SRPK2: variants seen among roughly 807,000 people sequenced by gnomAD.
SRPK2 encodes the protein SRSF protein kinase 2.
In SRPK2, 21 loss-of-function variants were observed where a neutral mutation model predicts 90.8. The ratio of observed to expected loss-of-function variants is 0.23; its 90% CI spans 0.16 to 0.33. The LOEUF is 0.33. Ranked by LOEUF, SRPK2 falls within the 10% of genes least tolerant of loss-of-function variation. The pLI, the probability that SRPK2 is intolerant of heterozygous loss-of-function variation, is 1.00. For synonymous variants in SRPK2, 288 were observed against 311.1 expected (o/e 0.93, Z 0.78); for missense variants, 620 against 869.0 (o/e 0.71, Z 3.60).
intron 2 of SRPK2, among the ~76,000 whole-genome samples, chr7:105,278,708 G>C (rs567135717): frequency 9.8e-4 from 148 of 150,592 alleles, no homozygotes; most frequent in Admixed American, 1.8e-3. Flanking sequence ...AAGAAGAAAG[G>C]AAAGAGGAAA....
At chr7:105,182,336 G>A (rs1792975842) in intron 3 of SRPK2, among the ~76,000 whole-genome samples, 1 of 151,786 alleles carries the variant, frequency 6.6e-6, no homozygotes, top group African/African-American at 2.4e-5. Context: ...AGCAGTTTAA[G>A]GTGAAATAAA....
At chr7:105,237,278 ATTAT>A (rs1800255879) in intron 2 of SRPK2, among the ~76,000 whole-genome samples, 1 of 152,240 alleles carries the variant, frequency 6.6e-6, no homozygotes, top group African/African-American at 2.4e-5. Flanking sequence ...TCTAACCATT[ATTAT>A]TTGTCATAAC....
intron 2 of SRPK2, among the ~76,000 whole-genome samples, chr7:105,227,271 C>G (rs548240869): frequency 2.3e-4 from 35 of 152,106 alleles, no homozygotes; most frequent in African/African-American, 8.0e-4. Context: ...CTGTGAGATC[C>G]TAATGCATCC....
At chr7:105,206,141 GC>G (rs2129611075) in intron 2 of SRPK2, among the ~76,000 whole-genome samples, 1 of 152,128 alleles carries the variant, frequency 6.6e-6, no homozygotes, top group South Asian at 2.1e-4. Context: ...GTAGCACACA[GC>G]CCCCCACCCC....
At chr7:105,143,468 T>A (rs980761631) in intron 9 of SRPK2, 138 bp from the exon 10 acceptor site, 3 of 1,110,202 alleles carry the variant, frequency 2.7e-6, no homozygotes, top group Non-Finnish European at 3.8e-6. Flanking sequence ...CCCAGACAGA[T>A]CCACTTTGTG....
Position 105,203,696 on chromosome 7 carries a change from G to A in SRPK2, c.161C>T (p.Pro54Leu), listed in dbSNP as rs34699980. 2.0e-5 allele frequency: 31 copies of A among 1,589,074 alleles called. No homozygotes were observed. Among genetic ancestry groups the A allele is most frequent in the African/African-American group, 1.1e-4 (8 of 73,568 alleles). ...TCCCAGGATCTCCTCCTCTGGCTCC[G>A]GGGGTGTGGGGTCTGGCAAAGGTGG... is the stretch of plus-strand genomic sequence containing the variant. The part of the protein sequence containing the change: ...PPPPLPDPTP[P>L]EPEEEILGSD... Residue 54 changes from proline to leucine, a missense_variant, in exon 3 of 16, where the codon CCG (proline) becomes CTG (leucine). Pro to Leu is a moderately conservative substitution (Grantham distance 98). Coordinates refer to ENST00000393651, the MANE Select transcript of SRPK2 (RefSeq NM_182692.3).
chr7:105,127,848 T>C (rs1015760467), intron 13 of SRPK2, among the ~76,000 whole-genome samples: 2 of 152,202 alleles, frequency 1.3e-5, no homozygotes, highest in African/African-American at 4.8e-5. Context: ...AAAAAAAGAA[T>C]AAGCTAAATC....
At chr7:105,206,271 T>C in intron 2 of SRPK2, 1 of 279,780 alleles carries the variant, frequency 3.6e-6, no homozygotes, top group Non-Finnish European at 7.1e-6. Context: ...GCATTTTCTA[T>C]ATATGGCTTT....
chr7:105,166,093 GA>G (rs952950464), intron 6 of SRPK2, among the ~76,000 whole-genome samples: 2 of 152,154 alleles, frequency 1.3e-5, no homozygotes, highest in African/African-American at 4.8e-5. Flanking sequence ...AAAAACATGA[GA>G]AACACCTACA....
intron 7 of SRPK2, among the ~76,000 whole-genome samples, chr7:105,157,980 C>T: frequency 6.6e-6 from 1 of 152,124 alleles, no homozygotes; most frequent in East Asian, 1.9e-4. Context: ...GTGGGAGGAT[C>T]ACTAGAGCCC....
chr7:105,273,890 C>T (rs905190394), intron 2 of SRPK2, among the ~76,000 whole-genome samples: 8 of 152,264 alleles, frequency 5.3e-5, no homozygotes, highest in Admixed American at 1.3e-4. Context: ...CTTAAATATA[C>T]ATTTCCAGAT....
At chr7:105,321,467 C>T (rs1379136673) in intron 2 of SRPK2, among the ~76,000 whole-genome samples, 1 of 152,092 alleles carries the variant, frequency 6.6e-6, no homozygotes, top group Non-Finnish European at 1.5e-5. Flanking sequence ...AAAGAAAAAA[C>T]TGTAAAATGA....
intron 2 of SRPK2, among the ~76,000 whole-genome samples, chr7:105,374,722 C>T (rs1358986240): frequency 6.6e-6 from 1 of 152,082 alleles, no homozygotes. Flanking sequence ...TCTCCTGCCT[C>T]GCCTACGGAG....
chr7:105,274,336 C>T (rs1168147501), intron 2 of SRPK2, among the ~76,000 whole-genome samples: 4 of 152,022 alleles, frequency 2.6e-5, no homozygotes, highest in Non-Finnish European at 2.9e-5. Context: ...CCCACGTGGG[C>T]GGATCATTTG....
chr7:105,127,119 G>A (rs1317693825), intron 13 of SRPK2, 57 bp from the exon 14 acceptor site: 2 of 1,559,366 alleles, frequency 1.3e-6, no homozygotes, highest in Non-Finnish European at 1.8e-6. Context: ...CAAGTCAACA[G>A]CTTTTTCTCC....
intron 3 of SRPK2, among the ~76,000 whole-genome samples, chr7:105,176,749 ATGTGTGTGTGTGTG>A (rs10607750): frequency 2.1e-5 from 3 of 144,318 alleles, no homozygotes; most frequent in Non-Finnish European, 3.0e-5. Flanking sequence ...ATGTGTGTAT[ATGTGTGTGTGTGTG>A]TGTGTGTGTG....
At chr7:105,167,949 T>C in intron 5 of SRPK2, 59 bp downstream of exon 5, 1 of 1,398,562 alleles carries the variant, frequency 7.2e-7, no homozygotes, top group Non-Finnish European at 9.8e-7. Context: ...GAAAAATCTT[T>C]CTGTAAAATT....
chr7:105,346,571 T>A (rs1034696094), intron 2 of SRPK2, among the ~76,000 whole-genome samples: 1 of 152,020 alleles, frequency 6.6e-6, no homozygotes, highest in Non-Finnish European at 1.5e-5. Context: ...CTGGCCAATA[T>A]GGTGAAACCC....
intron 2 of SRPK2, among the ~76,000 whole-genome samples, chr7:105,282,404 G>C (rs1236667798): frequency 6.6e-6 from 1 of 152,194 alleles, no homozygotes; most frequent in Non-Finnish European, 1.5e-5. Flanking sequence ...CATAACCTTA[G>C]AAGAGGCTAC....
Sources: gnomAD v4.1 joint callset for allele counts (sites outside exome capture counted in the v4.1 genomes callset) on GRCh38, gnomAD v4.1.1 for gene constraint, MANE v1.5 for transcripts, NCBI Gene and HGNC (gene_info 2026-07-23, HGNC 2026-07-21) for gene names.